The following PPP3CA variants were observed in gnomAD, a reference collection of about 807,000 sequenced individuals.
PPP3CA encodes protein phosphatase 3 catalytic subunit alpha, also known as CAM-PRP catalytic subunit.
In PPP3CA, 14 loss-of-function variants were observed where a neutral mutation model predicts 66.5. The ratio of observed to expected loss-of-function variants is 0.21; its 90% confidence interval spans 0.14 to 0.33. The LOEUF (loss-of-function observed/expected upper bound fraction) is 0.33. Ranked by LOEUF, PPP3CA falls within the 10% of genes least tolerant of loss-of-function variation. PPP3CA has a pLI of 1.00. For missense variants in PPP3CA, 317 were observed against 639.5 expected (o/e 0.50, Z 5.44); for synonymous variants, 232 against 226.2 (o/e 1.03, Z -0.23).
At chr4:101,174,803 C>T (rs1157690225) in intron 2 of PPP3CA, among the ~76,000 whole-genome samples, 1 of 152,136 alleles carries the variant, frequency 6.6e-6, no homozygotes, top group African/African-American at 2.4e-5. Flanking sequence ...CACACAAATA[C>T]CACTTACTAT....
At chr4:101,298,810 G>T (rs765734915) in intron 1 of PPP3CA, among the ~76,000 whole-genome samples, 3 of 151,066 alleles carry the variant, frequency 2.0e-5, no homozygotes, top group African/African-American at 7.3e-5. Context: ...AGGGGTCAGT[G>T]CCCCAAGTCC....
intron 1 of PPP3CA, among the ~76,000 whole-genome samples, chr4:101,218,248 T>G (rs1725514404): frequency 6.6e-6 from 1 of 152,000 alleles, no homozygotes; most frequent in Non-Finnish European, 1.5e-5. Context: ...TCCTCAATAA[T>G]AATGGAAGAG....
chr4:101,336,694 A>G (rs1729645014), intron 1 of PPP3CA, among the ~76,000 whole-genome samples: 1 of 152,240 alleles, frequency 6.6e-6, no homozygotes, highest in Non-Finnish European at 1.5e-5. Flanking sequence ...CAAGTAATAT[A>G]TATTCAAAGC....
chr4:101,204,408 G>A (rs1487969498), intron 1 of PPP3CA, among the ~76,000 whole-genome samples: 3 of 152,136 alleles, frequency 2.0e-5, no homozygotes, highest in South Asian at 2.1e-4. Flanking sequence ...AGGCCCAAGC[G>A]GGCGGATCAC....
At chr4:101,123,541 AAGGGAC>A (rs1265575970) in intron 2 of PPP3CA, among the ~76,000 whole-genome samples, 11 of 152,194 alleles carry the variant, frequency 7.2e-5, no homozygotes, top group Non-Finnish European at 1.3e-4. Flanking sequence ...AAAGATTAAC[AAGGGAC>A]AGGCCAGGCA....
intron 10 of PPP3CA, among the ~76,000 whole-genome samples, chr4:101,051,909 G>A (rs1030554573): frequency 2.6e-5 from 4 of 152,046 alleles, no homozygotes; most frequent in African/African-American, 9.7e-5. Flanking sequence ...AATACTGCAT[G>A]TTGAAATACA....
intron 1 of PPP3CA, among the ~76,000 whole-genome samples, chr4:101,233,105 C>A (rs1270610227): frequency 6.6e-6 from 1 of 151,538 alleles, no homozygotes; most frequent in Non-Finnish European, 1.5e-5. Context: ...AGACACTACA[C>A]CTAAAGTATA....
chr4:101,091,440 T>C (rs1248259739), intron 6 of PPP3CA, among the ~76,000 whole-genome samples: 2 of 152,132 alleles, frequency 1.3e-5, no homozygotes, highest in African/African-American at 2.4e-5. Context: ...TTCCAAAATA[T>C]AGAAGTGAAC....
At chr4:101,162,021 C>A (rs181299817) in intron 2 of PPP3CA, among the ~76,000 whole-genome samples, 1 of 152,160 alleles carries the variant, frequency 6.6e-6, no homozygotes, top group Admixed American at 6.5e-5. Flanking sequence ...TGGCGGATCA[C>A]CTGAGGTCAG....
intron 2 of PPP3CA, among the ~76,000 whole-genome samples, chr4:101,183,382 A>C (rs1204075538): frequency 6.6e-6 from 1 of 152,134 alleles, no homozygotes; most frequent in African/African-American, 2.4e-5. Flanking sequence ...ACTGACAAAA[A>C]CTTAGTGACT....
At chr4:101,249,534 C>CA (rs544850246) in intron 1 of PPP3CA, among the ~76,000 whole-genome samples, 15 of 149,672 alleles carry the variant, frequency 1.0e-4, no homozygotes, top group East Asian at 2.0e-4. Flanking sequence ...AGTTAAACAT[C>CA]AAAAAAAAAG....
intron 1 of PPP3CA, among the ~76,000 whole-genome samples, chr4:101,272,064 C>T (rs1233036597): frequency 6.6e-6 from 1 of 152,082 alleles, no homozygotes; most frequent in African/African-American, 2.4e-5. Flanking sequence ...CTTCAAAGGG[C>T]TTCCCTTACA....
At chr4:101,035,870 CTT>C (rs1399150219) in intron 11 of PPP3CA, among the ~76,000 whole-genome samples, 3 of 152,164 alleles carry the variant, frequency 2.0e-5, no homozygotes, top group Non-Finnish European at 2.9e-5. Context: ...CTGAAAGACT[CTT>C]TGCCCTAGGT....
intron 10 of PPP3CA, 69 bp downstream of exon 10, chr4:101,061,018 A>G: frequency 1.6e-6 from 2 of 1,265,094 alleles, no homozygotes; most frequent in Non-Finnish European, 2.3e-6. Flanking sequence ...ATTTATTCTT[A>G]GATTTAGCAA....
chr4:101,345,131 T>C (rs1729939019), intron 1 of PPP3CA, among the ~76,000 whole-genome samples: 1 of 152,184 alleles, frequency 6.6e-6, no homozygotes, highest in Admixed American at 6.5e-5. Context: ...TGCAGAGCTA[T>C]TTCCTCATTA....
chr4:101,157,297 AT>A (rs1723355311), intron 2 of PPP3CA, among the ~76,000 whole-genome samples: 1 of 152,206 alleles, frequency 6.6e-6, no homozygotes, highest in Non-Finnish European at 1.5e-5. Flanking sequence ...GACAGTAGTG[AT>A]TTAATTGTGA....
intron 2 of PPP3CA, among the ~76,000 whole-genome samples, chr4:101,121,367 C>G (rs1266293010): frequency 6.6e-6 from 1 of 152,086 alleles, no homozygotes; most frequent in Admixed American, 6.6e-5. Context: ...AAATTCTTCG[C>G]ATCTTCTATA....
chr4:101,274,268 C>T (rs1393065246), intron 1 of PPP3CA, among the ~76,000 whole-genome samples: 2 of 152,100 alleles, frequency 1.3e-5, no homozygotes, highest in Non-Finnish European at 2.9e-5. Flanking sequence ...TGCAAGATTG[C>T]GCCACTGCAC....
chr4:101,274,847 C>A (rs1162441140), intron 1 of PPP3CA, among the ~76,000 whole-genome samples: 1 of 152,080 alleles, frequency 6.6e-6, no homozygotes, highest in African/African-American at 2.4e-5. Flanking sequence ...GCATTTAGAT[C>A]ATTACAAACC....
Sources: gnomAD v4.1 joint callset for allele counts (sites outside exome capture counted in the v4.1 genomes callset) on GRCh38, gnomAD v4.1.1 for gene constraint, MANE v1.5 for transcripts, NCBI Gene and HGNC (gene_info 2026-07-23, HGNC 2026-07-21) for gene names.